Variants in KRT37 observed in about 807,000 individuals in gnomAD.
KRT37 encodes keratin 37, also known as keratin, type I cuticular Ha7.
A neutral mutation model predicts 41.9 loss-of-function variants in KRT37; 38 were observed. That is an observed-to-expected ratio of 0.91 (90% CI 0.70 to 1.19). KRT37 has a LOEUF of 1.19. Ranked by LOEUF, KRT37 falls within the 50% of genes most tolerant of loss-of-function variation. KRT37 has a pLI of 0.00. For synonymous variants in KRT37, 252 were observed against 243.4 expected (o/e 1.04, Z -0.33); for missense variants, 580 against 575.5 (o/e 1.01, Z -0.08).
Position 41,422,845 on chromosome 17 carries a change from G to A in KRT37, c.665C>T (p.Ala222Val). ...KLLDDATLAKADLEAQQESLK... is the reference protein window; with the variant it reads ...KLLDDATLAKVDLEAQQESLK... ...GGACTCCTGCTGGGCCTCCAGGTCG[G>A]CCTTGGCCAGGGTCGCGTCATCCAG... The change falls in exon 3 of 7, where the codon GCC becomes GTC. Residue 222 changes from alanine to valine, a missense_variant. By Grantham distance (64) the Ala-to-Val change is moderately conservative. Transcript: ENST00000225550. The A allele has an allele frequency of 6.2e-7, 1 of 1,614,088 alleles. No individual in the cohort carries two copies. The highest frequency in any genetic ancestry group is 8.5e-7 in the Non-Finnish European group (1 of 1,180,004).
intron 5 of KRT37, among the ~76,000 whole-genome samples, chr17:41,421,817 G>A (rs1387487388): frequency 6.6e-6 from 1 of 152,184 alleles, no homozygotes; most frequent in Non-Finnish European, 1.5e-5. Flanking sequence ...CAAAAAGCAG[G>A]CACCTCGTAA....
rs545958320 is a variant in KRT37, at chr17:41,421,695, C to T, written c.1021-108G>A. 1.9e-3 allele frequency: 1,948 copies of T among 1,030,650 alleles called. 5 individuals are homozygous for T. Among genetic ancestry groups the T allele is most frequent in the Non-Finnish European group, 2.6e-3 (1,771 of 692,352 alleles). 63.8% of individuals were successfully genotyped at this position (1,030,650 alleles called of 1,614,324 possible). A position where few individuals can be genotyped will look rare whatever the true frequency, so the allele number is the denominator to read the frequency against. ...GGGCAAATTCCAAAATGTCATAGGACATTCTCAGAGCTCTGGAGAAATCAC... is the reference window on the plus strand; with the variant it reads ...GGGCAAATTCCAAAATGTCATAGGATATTCTCAGAGCTCTGGAGAAATCAC... On this transcript the variant is annotated intron_variant, in intron 5 of 6. Coordinates refer to ENST00000225550, the MANE Select transcript of KRT37 (RefSeq NM_003770.5).
At position 41,420,854 on chromosome 17, in the gene KRT37, A is replaced by G; in HGVS notation, c.*24T>C. On this transcript the variant is annotated 3_prime_UTR_variant, in exon 7 of 7. Transcript: ENST00000225550. Reference sequence around the variant, plus strand: ...CCTGACCCCAGTGCAACCAGCCTCAATCTCCTAACTCGGGCCTTCAGAATC... The same window carrying G: ...CCTGACCCCAGTGCAACCAGCCTCAGTCTCCTAACTCGGGCCTTCAGAATC... 1.9e-6 allele frequency: 3 copies of G among 1,542,214 alleles called. No individual in the cohort carries two copies. Among genetic ancestry groups the G allele is most frequent in the East Asian group, 2.2e-5 (1 of 44,490 alleles).
intron 5 of KRT37, 51 bp from the exon 6 acceptor site, chr17:41,421,638 A>T (rs773166012): frequency 1.3e-6 from 2 of 1,567,580 alleles, no homozygotes; most frequent in African/African-American, 2.7e-5. Flanking sequence ...AAAACTCAGC[A>T]GTGAAAATCA....
intron 2 of KRT37, 142 bp from the exon 3 acceptor site, chr17:41,423,076 C>T (rs1051453212): frequency 1.6e-5 from 16 of 998,194 alleles, no homozygotes; most frequent in Middle Eastern, 2.3e-4. Flanking sequence ...TGCAGCGACA[C>T]GGTTTGTAGT....
At position 41,420,922 on chromosome 17, in the gene KRT37, T is replaced by C. The variant is rs2018530358; in HGVS notation, c.1306A>G (p.Thr436Ala). ...CCATGGCCAGAGGGAGACCCACCGG[T>C]GACAGGGCCACAGCTTGGACAAGAA... ...CTSCPSCGPV[T>A]GGSPSGHGAS... Residue 436 changes from threonine to alanine, a missense_variant, in exon 7 of 7, where the codon ACC becomes GCC. Transcript: ENST00000225550. 1.2e-6 allele frequency: 2 copies of C among 1,613,848 alleles called. No homozygotes were observed. The highest frequency in any genetic ancestry group is 2.2e-5 in the East Asian group (1 of 44,878).
rs754510512 is a variant in KRT37 at position 41,424,506 on chromosome 17, G to T, written c.18C>A (p.Ser6Arg). MTSFY[S>R]TSSCPLGCTM... ...TGCAACCCAGAGGGCATGAGGAGGT[G>T]CTGTAGAAGGAGGTCATGGTGTAGG... The change falls in exon 1 of 7, where the codon AGC becomes AGA. Residue 6 changes from serine to arginine, a missense_variant. Coordinates refer to ENST00000225550, the MANE Select transcript of KRT37 (RefSeq NM_003770.5). The T allele has an allele frequency of 1.1e-5, 17 of 1,582,624 alleles. No homozygotes were observed. Among genetic ancestry groups the T allele is most frequent in the Non-Finnish European group, 1.4e-5 (16 of 1,160,556 alleles).
chr17:41,422,027 G>C, intron 5 of KRT37, 42 bp downstream of exon 5: 1 of 1,613,772 alleles, frequency 6.2e-7, no homozygotes, highest in Non-Finnish European at 8.5e-7. Flanking sequence ...CCAGGACATG[G>C]CATGGGGCAT....
Position 41,424,368 on chromosome 17 carries a change from G to A in KRT37, c.156C>T (p.Ala52=). 2 of 1,614,006 alleles carry A rather than the reference G, an allele frequency of 1.2e-6. No homozygotes were observed. The highest frequency in any genetic ancestry group is 1.7e-5 in the Admixed American group (1 of 60,028). The change falls in exon 1 of 7, where the codon GCC becomes GCT. Residue 52 remains alanine (A), a synonymous_variant. Transcript: ENST00000225550. The part of the protein sequence containing the change: ...SMCLLANVAH[A]NRVRVGSTPL... Reference sequence around the variant, plus strand: ...GAGTCGACCCCACACGGACTCTGTTGGCGTGTGCCACGTTGGCCAAGAGGC... The same window carrying A: ...GAGTCGACCCCACACGGACTCTGTTAGCGTGTGCCACGTTGGCCAAGAGGC...
Position 41,424,054 on chromosome 17 carries a change from G to A in KRT37, c.470C>T (p.Thr157Ile). 6 of 1,613,956 alleles carry A rather than the reference G, an allele frequency of 3.7e-6. No homozygotes were observed. Among genetic ancestry groups the A allele is most frequent in the East Asian group, 2.2e-5 (1 of 44,872 alleles). ...VCPDYQSYFR[T>I]IEELQQKILC... ...CACCTTCTGCTGGAGCTCCTCGATT[G>A]TACGGAAGTAGGACTGGTAGTCGGG... is the stretch of plus-strand genomic sequence containing the variant. Residue 157 changes from threonine (T) to isoleucine (I), a missense_variant, in exon 1 of 7, where the codon ACA becomes ATA. Coordinates refer to ENST00000225550, the MANE Select transcript of KRT37 (RefSeq NM_003770.5).
At chr17:41,422,233 T>G in intron 4 of KRT37, 39 bp from the exon 5 acceptor site, 1 of 1,613,942 alleles carries the variant, frequency 6.2e-7, no homozygotes, top group Non-Finnish European at 8.5e-7. Flanking sequence ...CCTGCTCAGA[T>G]GGAGGCCAGG....
chr17:41,423,390 C>G (rs2018570667), intron 2 of KRT37: 2 of 247,682 alleles, frequency 8.1e-6, no homozygotes, highest in Admixed American at 1.0e-4. Context: ...AATGACAATT[C>G]CTCCAGCTGA....
Position 41,424,316 on chromosome 17 carries a change from G to A in KRT37, c.208C>T (p.Pro70Ser), listed in dbSNP as rs574340272. 4 of 1,614,156 alleles carry A rather than the reference G, an allele frequency of 2.5e-6. No individual in the cohort carries two copies. The highest frequency in any genetic ancestry group is 1.1e-5 in the South Asian group (1 of 91,084). ...GGACAAGCAGTGTGACTGGTTGGGG[G>A]CAGACAGAGGCTGGGGCGGCCCAGG... ...TPLGRPSLCL[P>S]PTSHTACPLP... Residue 70 changes from proline (P) to serine (S), a missense_variant, in exon 1 of 7, where the codon CCC becomes TCC. Physicochemically the swap from Pro to Ser is moderately conservative, Grantham distance 74 (BLOSUM62 -1). Coordinates refer to ENST00000225550, the MANE Select transcript of KRT37 (RefSeq NM_003770.5).
In KRT37 at chr17:41,424,203, G is replaced by C; in HGVS notation, c.321C>G (p.Thr107=). The C allele has an allele frequency of 1.2e-6, 2 of 1,614,230 alleles. No homozygotes were observed. The highest frequency in any genetic ancestry group is 1.7e-6 in the Non-Finnish European group (2 of 1,180,028). ...CCAGGCGGTCATTCAGGAACTTCAT[G>C]GTCTCCTTCTCATGGCCATTCAGGG... ...KNTLNGHEKE[T]MKFLNDRLAN... Residue 107 remains threonine (T), a synonymous_variant, in exon 1 of 7, where the codon ACC becomes ACG. Coordinates refer to ENST00000225550, the MANE Select transcript of KRT37 (RefSeq NM_003770.5).
At position 41,422,740 on chromosome 17, in the gene KRT37, AGCG is replaced by A. The variant is rs748267350; in HGVS notation, c.732+35_732+37del. On this transcript the variant is annotated intron_variant, in intron 3 of 6. Transcript: ENST00000225550. ...GGCCGGGGAGCTCCCCTGTCTGCCC[AGCG>A]CCCTCCCCAGGAGTCTGAGCAGCCA... 4 of 1,504,010 alleles carry A rather than the reference AGCG, an allele frequency of 2.7e-6. No individual in the cohort carries two copies. In the East Asian group the frequency reaches 1.0e-4, roughly 39 times the overall value. The allele number at this position is 1,504,010 out of a possible 1,614,324, so 93.2% of individuals were successfully genotyped here. A position where few individuals can be genotyped will look rare whatever the true frequency, so the allele number is the denominator to read the frequency against.
intron 6 of KRT37, 114 bp downstream of exon 6, chr17:41,421,253 A>G (rs554608705): frequency 1.7e-4 from 190 of 1,127,284 alleles, no homozygotes; most frequent in Non-Finnish European, 2.3e-4. Flanking sequence ...TGAGCAAGAG[A>G]GCACAGGAAG....
intron 6 of KRT37, 77 bp downstream of exon 6, chr17:41,421,290 G>A: frequency 6.9e-7 from 1 of 1,451,426 alleles, no homozygotes; most frequent in Non-Finnish European, 9.6e-7. Context: ...GATATCTTCT[G>A]CAAGCACTTC....
In KRT37 at chr17:41,424,441, A is replaced by G; in HGVS notation, c.83T>C (p.Ile28Thr). 2 of 1,611,132 alleles carry G rather than the reference A, an allele frequency of 1.2e-6. No individual in the cohort carries two copies. The highest frequency in any genetic ancestry group is 1.7e-5 in the Admixed American group (1 of 59,994). Residue 28 changes from isoleucine (I) to threonine (T), a missense_variant, in exon 1 of 7, where the codon ATC becomes ACC. Ile to Thr is a moderately conservative substitution (Grantham distance 89). Coordinates refer to ENST00000225550, the MANE Select transcript of KRT37 (RefSeq NM_003770.5). Reference sequence around the variant, plus strand: ...TGCCACAGGCTGGCACCCAACATCGATAGGAGAGACAAAGACATTTCTTGC... The same window carrying G: ...TGCCACAGGCTGGCACCCAACATCGGTAGGAGAGACAAAGACATTTCTTGC... ...PGARNVFVSPIDVGCQPVAEA... is the reference protein window; with the variant it reads ...PGARNVFVSPTDVGCQPVAEA...
rs199836039 is a variant in KRT37 at position 41,422,464 on chromosome 17, C to T, written c.733-30G>A. 83 of 1,610,642 alleles carry T rather than the reference C, an allele frequency of 5.2e-5. No individual in the cohort carries two copies. The East Asian group carries it at 1.2e-3, about 24-fold the overall frequency. ...AGAAATGGAAGCGATAGACAGCCTG[C>T]GTAAGGAAACGGCCTTTGATGGAGC... On this transcript the variant is annotated intron_variant, in intron 3 of 6. Transcript: ENST00000225550.
Sources: allele counts gnomAD v4.1 joint callset (sites outside exome capture counted in the v4.1 genomes callset), GRCh38; gene constraint gnomAD v4.1.1; transcripts MANE v1.5; gene names NCBI Gene and HGNC (gene_info 2026-07-23, HGNC 2026-07-21).